TFEC: variants seen among roughly 807,000 people sequenced by gnomAD.
TFEC encodes the protein class E basic helix-loop-helix protein 34.
In TFEC, 31 loss-of-function variants were observed where a neutral mutation model predicts 41.6. The observed-to-expected ratio is 0.74, with a 90% confidence interval of 0.56 to 1.01. TFEC has a LOEUF of 1.01. Among genes scored for constraint, TFEC ranks in the 50% least tolerant of loss-of-function variants. TFEC has a pLI of 0.00. For synonymous variants in TFEC, 143 were observed against 140.6 expected, an observed-to-expected ratio of 1.02 and a Z score of -0.12; for missense variants, 402 against 404.1, an observed-to-expected ratio of 0.99 and a Z score of 0.04.
chr7:115,961,179 T>C (rs1792526984), intron 3 of TFEC, among the ~76,000 whole-genome samples: 1 of 151,692 alleles, frequency 6.6e-6, no homozygotes, highest in Admixed American at 6.6e-5. Context: ...TAGTTTCACA[T>C]GAAGAAATAG....
At chr7:116,072,126 T>C (rs892193141) in intron 3 of TFEC, among the ~76,000 whole-genome samples, 1 of 151,516 alleles carries the variant, frequency 6.6e-6, no homozygotes, top group Admixed American at 6.6e-5. Flanking sequence ...AAAAAGAAGG[T>C]ATGGAATATT....
At chr7:116,116,202 A>C (rs548004541) in intron 1 of TFEC, among the ~76,000 whole-genome samples, 7 of 152,120 alleles carry the variant, frequency 4.6e-5, no homozygotes, top group African/African-American at 1.7e-4. Context: ...CGACCAAAAA[A>C]ATGGAAAAGA....
intron 1 of TFEC, among the ~76,000 whole-genome samples, chr7:116,011,801 C>T (rs1795012095): frequency 6.6e-6 from 1 of 152,098 alleles, no homozygotes; most frequent in Admixed American, 6.6e-5. Flanking sequence ...TGAGTTCTCA[C>T]TAGATCACTT....
intron 3 of TFEC, among the ~76,000 whole-genome samples, chr7:116,077,004 G>T (rs1007990559): frequency 2.6e-5 from 4 of 152,134 alleles, no homozygotes; most frequent in African/African-American, 9.7e-5. Context: ...ACAAAGGAAA[G>T]GATTTTAAGA....
chr7:116,008,426 T>A lies in TFEC; in HGVS notation c.-73+22207A>T, dbSNP rs557160569. On this transcript the variant is annotated intron_variant, in intron 1 of 7. Coordinates refer to ENST00000265440, the MANE Select transcript of TFEC (RefSeq NM_012252.4). ...AAAAGCAAGACCATTCCATTCATTA[T>A]AATATGACAGCCCTTATTTAATTTT... Among the ~76,000 whole-genome samples, 3 of 152,322 alleles carry A rather than the reference T, an allele frequency of 2.0e-5. 1 individual carries two copies. The South Asian group carries it at 6.2e-4, about 32-fold the overall frequency.
At chr7:116,088,864 G>A (rs148849071) in intron 3 of TFEC, among the ~76,000 whole-genome samples, 381 of 151,964 alleles carry the variant, frequency 2.5e-3, no homozygotes, top group Non-Finnish European at 4.1e-3. Flanking sequence ...ACAGATGTGG[G>A]CAGAGAGGGA....
intron 1 of TFEC, among the ~76,000 whole-genome samples, chr7:116,137,190 C>A (rs573919406): frequency 3.6e-4 from 55 of 152,004 alleles, no homozygotes; most frequent in Non-Finnish European, 8.8e-5. Flanking sequence ...ATGATCTTTT[C>A]CCCCAAGGTA....
chr7:116,121,585 C>CA (rs1039823639), intron 1 of TFEC: 6 of 151,756 alleles, frequency 4.0e-5, no homozygotes, highest in Non-Finnish European at 8.8e-5. Flanking sequence ...TTCACTTCAA[C>CA]AAAAAATAAA....
intron 1 of TFEC, among the ~76,000 whole-genome samples, chr7:115,986,199 GCAA>G (rs2130686817): frequency 6.6e-6 from 1 of 152,202 alleles, no homozygotes; most frequent in Admixed American, 6.5e-5. Flanking sequence ...ATCAACTATA[GCAA>G]CAACAACAAT....
At chr7:115,947,165 G>A (rs1791634884) in intron 6 of TFEC, among the ~76,000 whole-genome samples, 2 of 148,590 alleles carry the variant, frequency 1.3e-5, no homozygotes, top group African/African-American at 5.0e-5. Context: ...GTGAGAATAG[G>A]TGGTGTCTGA....
At chr7:115,987,405 C>A (rs1300135525) in intron 1 of TFEC, among the ~76,000 whole-genome samples, 1 of 152,148 alleles carries the variant, frequency 6.6e-6, no homozygotes, top group African/African-American at 2.4e-5. Flanking sequence ...GTTATAAAGA[C>A]ATAAAATTAT....
chr7:116,123,546 G>T (rs573008358), intron 1 of TFEC, among the ~76,000 whole-genome samples: 2 of 151,684 alleles, frequency 1.3e-5, no homozygotes, highest in Non-Finnish European at 1.5e-5. Context: ...GAATGCTTAC[G>T]TGGATCCTGT....
chr7:116,068,990 G>A (rs1304540741), intron 3 of TFEC, among the ~76,000 whole-genome samples: 1 of 151,504 alleles, frequency 6.6e-6, no homozygotes, highest in Non-Finnish European at 1.5e-5. Flanking sequence ...AGAAAACATA[G>A]GCAAATATGA....
chr7:116,062,957 G>T (rs547020795), intron 3 of TFEC, among the ~76,000 whole-genome samples: 13 of 152,168 alleles, frequency 8.5e-5, no homozygotes, highest in African/African-American at 3.1e-4. Flanking sequence ...TTATTTAAGA[G>T]AAATAGAAAC....
chr7:116,018,146 C>T (rs1348882162), intron 1 of TFEC, among the ~76,000 whole-genome samples: 2 of 152,092 alleles, frequency 1.3e-5, no homozygotes, highest in Non-Finnish European at 2.9e-5. Context: ...TTTAATCTCC[C>T]CAACAGCCCT....
intron 2 of TFEC, 48 bp downstream of exon 2, chr7:115,984,214 T>G: frequency 6.3e-7 from 1 of 1,588,864 alleles, no homozygotes; most frequent in Non-Finnish European, 8.6e-7. Context: ...TAATAGAGGT[T>G]TTTTCAAAAA....
At chr7:116,049,720 T>C (rs991793762) in intron 3 of TFEC, among the ~76,000 whole-genome samples, 1 of 152,180 alleles carries the variant, frequency 6.6e-6, no homozygotes, top group Non-Finnish European at 1.5e-5. Context: ...ATTGACCACA[T>C]AGTTGGAAGT....
intron 1 of TFEC, among the ~76,000 whole-genome samples, chr7:116,022,610 G>A (rs1178321686): frequency 6.6e-6 from 1 of 152,168 alleles, no homozygotes; most frequent in East Asian, 1.9e-4. Context: ...GGCAGGGTAA[G>A]GAACACTAGC....
At chr7:115,973,530 A>G (rs910766738) in intron 3 of TFEC, among the ~76,000 whole-genome samples, 2 of 151,970 alleles carry the variant, frequency 1.3e-5, no homozygotes, top group Non-Finnish European at 2.9e-5. Flanking sequence ...CCCTTTACAG[A>G]TAACATTTTT....
Sources: gnomAD v4.1 joint callset for allele counts (sites outside exome capture counted in the v4.1 genomes callset) on GRCh38, gnomAD v4.1.1 for gene constraint, MANE v1.5 for transcripts, NCBI Gene and HGNC (gene_info 2026-07-23, HGNC 2026-07-21) for gene names.